The following HMGB1 variants were observed in gnomAD, a reference collection of about 807,000 sequenced individuals.
HMGB1 encodes high mobility group box 1.
For synonymous variants in HMGB1, 81 were observed against 84.0 expected, an observed-to-expected ratio of 0.96 and a Z score of 0.19; for missense variants, 79 against 253.5, an observed-to-expected ratio of 0.31 and a Z score of 4.67.
At chr13:30,527,589 C>T (rs1016354108) in intron 1 of HMGB1, among the ~76,000 whole-genome samples, 2 of 152,082 alleles carry the variant, frequency 1.3e-5, no homozygotes, top group African/African-American at 4.8e-5. Flanking sequence ...CAGCACTGCC[C>T]TTAACTGCAG....
At chr13:30,525,379 A>G (rs1888339649) in intron 1 of HMGB1, among the ~76,000 whole-genome samples, 1 of 152,122 alleles carries the variant, frequency 6.6e-6, no homozygotes, top group Non-Finnish European at 1.5e-5. Flanking sequence ...CCCAACCCCC[A>G]CTGGTTTTTG....
At position 30,598,849 on chromosome 13, in the gene HMGB1, ATTTAT is replaced by A. The variant is rs531819216; in HGVS notation, c.-15+17817_-15+17821del. 4.0e-3 allele frequency among the ~76,000 whole-genome samples: 608 copies of A among 152,174 alleles called. 3 individuals carry two copies. Among genetic ancestry groups the A allele is most frequent in the Middle Eastern group, 0.017 (5 of 294 alleles). ...GATTTTTCTACAACAAAAATTTATT[ATTTAT>A]TTTATGTTTGTGTGTAGATCTTTTA... On this transcript the variant is annotated intron_variant, in intron 1 of 4. Coordinates refer to the HMGB1 transcript ENST00000405805.
chr13:30,475,225 C>CTT (rs371643884), intron 1 of HMGB1, among the ~76,000 whole-genome samples: 30,586 of 92,322 alleles, frequency 0.33, 5,890 homozygotes, highest in Middle Eastern at 0.38. Context: ...CTCTCTCTCT[C>CTT]TTTTTTTTTT....
intron 1 of HMGB1, among the ~76,000 whole-genome samples, chr13:30,547,838 A>C (rs942469271): frequency 1.3e-5 from 2 of 152,080 alleles, no homozygotes; most frequent in Non-Finnish European, 2.9e-5. Flanking sequence ...GGATTGCTTG[A>C]ACCCGGGAGG....
chr13:30,559,447 G>T lies in HMGB1; in HGVS notation c.-15+57224C>A, dbSNP rs1484723998. ...AGTGAATTTAAATAACCTGTCAAAA[G>T]AATGAAGTGATGGAAGCCAGACTCA... On this transcript the variant is annotated intron_variant, in intron 1 of 4. Coordinates refer to the HMGB1 transcript ENST00000405805. The surrounding 1 kb of genome is among the most constrained non-coding windows in gnomAD (Gnocchi z 6.6). Among the ~76,000 whole-genome samples, 3 of 152,162 alleles carry T rather than the reference G, an allele frequency of 2.0e-5. No individual in the cohort carries two copies. Among genetic ancestry groups the T allele is most frequent in the African/African-American group, 7.2e-5 (3 of 41,426 alleles).
chr13:30,508,494 G>A (rs539458750), intron 1 of HMGB1, among the ~76,000 whole-genome samples: 2 of 152,032 alleles, frequency 1.3e-5, no homozygotes, highest in African/African-American at 2.4e-5. Context: ...TCTGATGACA[G>A]AGCAAGACTC....
At chr13:30,544,347 G>T (rs1869046029) in intron 1 of HMGB1, among the ~76,000 whole-genome samples, 1 of 152,226 alleles carries the variant, frequency 6.6e-6, no homozygotes, top group African/African-American at 2.4e-5. Context: ...ATGACTAATG[G>T]CTGGGGACCC....
chr13:30,553,704 T>C (rs1299452971), intron 1 of HMGB1: 7 of 992,784 alleles, frequency 7.1e-6, no homozygotes, highest in Non-Finnish European at 9.6e-6. Context: ...GTTCAAGGAG[T>C]TGGATGCTCA....
intron 1 of HMGB1, among the ~76,000 whole-genome samples, chr13:30,525,299 A>G (rs1394049818): frequency 6.6e-6 from 1 of 152,244 alleles, no homozygotes; most frequent in Non-Finnish European, 1.5e-5. Flanking sequence ...GTTGTTATTT[A>G]GAAATGGCCT....
chr13:30,564,108 G>A (rs1424777502), intron 1 of HMGB1, among the ~76,000 whole-genome samples: 1 of 151,864 alleles, frequency 6.6e-6, no homozygotes, highest in Admixed American at 6.6e-5. Context: ...ATGAAAAGTG[G>A]ACAAATGATC....
chr13:30,511,598 A>T (rs1457622968), intron 1 of HMGB1, among the ~76,000 whole-genome samples: 1 of 152,234 alleles, frequency 6.6e-6, no homozygotes, highest in African/African-American at 2.4e-5. Context: ...AATGGAAAAC[A>T]GACTAATACA....
chr13:30,462,874 C>G (rs537500897), intron 3 of HMGB1, among the ~76,000 whole-genome samples, 162 bp from the exon 4 acceptor site: 1 of 152,150 alleles, frequency 6.6e-6, no homozygotes, highest in Non-Finnish European at 1.5e-5. Context: ...ACAACCAAAG[C>G]TTAATTTACA....
chr13:30,587,087 C>T (rs1396331710), intron 1 of HMGB1, among the ~76,000 whole-genome samples: 1 of 152,070 alleles, frequency 6.6e-6, no homozygotes, highest in Non-Finnish European at 1.5e-5. Flanking sequence ...CAATAAATAA[C>T]TTCTCTACTT....
intron 1 of HMGB1, among the ~76,000 whole-genome samples, chr13:30,591,865 A>G (rs989732689): frequency 3.9e-5 from 6 of 152,140 alleles, no homozygotes; most frequent in African/African-American, 1.4e-4. Context: ...AGTAATCTCT[A>G]TTTCATTTAT....
At chr13:30,523,903 C>T (rs192731682) in intron 1 of HMGB1, among the ~76,000 whole-genome samples, 2 of 152,126 alleles carry the variant, frequency 1.3e-5, no homozygotes, top group Non-Finnish European at 2.9e-5. Context: ...ACCATTCCCC[C>T]ACTGTTTTTT....
At chr13:30,527,405 G>A (rs999337704) in intron 1 of HMGB1, among the ~76,000 whole-genome samples, 1 of 152,108 alleles carries the variant, frequency 6.6e-6, no homozygotes, top group Non-Finnish European at 1.5e-5. Context: ...TAACGCCTGA[G>A]TTGGGGTGGT....
rs1036047205 is a variant in HMGB1 at position 30,488,674 on chromosome 13, T to C, written c.-14-24980A>G. 6.8e-5 allele frequency among the ~76,000 whole-genome samples: 10 copies of C among 146,346 alleles called. No homozygotes were observed. In the East Asian group the frequency reaches 1.8e-3, roughly 26 times the overall value. On this transcript the variant is annotated intron_variant, in intron 1 of 4. Transcript: ENST00000405805. ...TTATTATTATTATTATTATTATTATTATTATTATTATTATTATTATTACTT... is the reference window on the plus strand; with the variant it reads ...TTATTATTATTATTATTATTATTATCATTATTATTATTATTATTATTACTT...
chr13:30,580,082 A>G (rs1238590980), intron 1 of HMGB1, among the ~76,000 whole-genome samples: 2 of 152,212 alleles, frequency 1.3e-5, no homozygotes, highest in Admixed American at 1.3e-4. Context: ...TTTCTGATAC[A>G]AAGAGACAGT....
At chr13:30,500,860 A>G (rs938528842) in intron 1 of HMGB1, among the ~76,000 whole-genome samples, 1 of 151,200 alleles carries the variant, frequency 6.6e-6, no homozygotes, top group African/African-American at 2.4e-5. Flanking sequence ...AGAAGGTGGG[A>G]TGGGGTTTCG....
Sources: allele counts gnomAD v4.1 joint callset (sites outside exome capture counted in the v4.1 genomes callset), GRCh38; gene constraint gnomAD v4.1.1; non-coding constraint Gnocchi (gnomAD v3.1); transcripts MANE v1.5; gene names NCBI Gene and HGNC (gene_info 2026-07-23, HGNC 2026-07-21).